The following SYT16 variants were observed in gnomAD, a reference collection of about 807,000 sequenced individuals.
SYT16 encodes the protein synaptotagmin-16.
A neutral mutation model predicts 61.4 loss-of-function variants in SYT16; 42 were observed. The observed-to-expected ratio is 0.68, with a 90% CI of 0.53 to 0.89. The LOEUF (loss-of-function observed/expected upper bound fraction) is 0.89. SYT16 is among the 40% of genes least tolerant of loss of function. The probability of loss-of-function intolerance (pLI) is 0.00; values close to 1 mark genes in which losing one functional copy is unlikely to be tolerated. For synonymous variants in SYT16, 314 were observed against 302.3 expected, an observed-to-expected ratio of 1.04 and a Z score of -0.40; for missense variants, 804 against 807.3, an observed-to-expected ratio of 1.00 and a Z score of 0.05.
chr14:62,046,567 T>C (rs1323651609), intron 3 of SYT16, among the ~76,000 whole-genome samples: 2 of 152,242 alleles, frequency 1.3e-5, no homozygotes, highest in African/African-American at 2.4e-5. Flanking sequence ...GGTTTTCTTC[T>C]AGGGTTTTTA....
intron 1 of SYT16, among the ~76,000 whole-genome samples, chr14:61,861,900 C>G (rs767182172): frequency 3.9e-5 from 6 of 152,054 alleles, no homozygotes; most frequent in Non-Finnish European, 7.4e-5. Context: ...AAATACCTAC[C>G]TTAATGAAAT....
intron 6 of SYT16, among the ~76,000 whole-genome samples, chr14:62,083,806 T>C (rs1461623533): frequency 3.3e-5 from 5 of 152,022 alleles, no homozygotes; most frequent in Non-Finnish European, 7.4e-5. Context: ...GAAACAAACC[T>C]CAGGCCTGGA....
chr14:61,899,017 C>T (rs1431059872), intron 1 of SYT16, among the ~76,000 whole-genome samples: 5 of 152,158 alleles, frequency 3.3e-5, no homozygotes, highest in Admixed American at 6.5e-5. Flanking sequence ...TTCTTGTACA[C>T]TGGAATTTAT....
At chr14:61,830,992 G>A (rs2045920385) in intron 1 of SYT16, among the ~76,000 whole-genome samples, 1 of 152,190 alleles carries the variant, frequency 6.6e-6, no homozygotes, top group Admixed American at 6.5e-5. Flanking sequence ...TATTCACAAG[G>A]GTTCTGTCTT....
chr14:61,934,797 A>G (rs969168350), intron 1 of SYT16, among the ~76,000 whole-genome samples: 1 of 152,146 alleles, frequency 6.6e-6, no homozygotes, highest in African/African-American at 2.4e-5. Context: ...CTAAAATCCC[A>G]TTATTTGAAG....
intron 3 of SYT16, among the ~76,000 whole-genome samples, chr14:62,008,450 C>A (rs1418794310): frequency 6.6e-6 from 1 of 151,924 alleles, no homozygotes; most frequent in Admixed American, 6.6e-5. Flanking sequence ...TCACAGATTG[C>A]CACTTTGCCA....
chr14:61,910,503 C>T (rs1218176423), intron 1 of SYT16, among the ~76,000 whole-genome samples: 3 of 146,610 alleles, frequency 2.0e-5, no homozygotes, highest in South Asian at 2.2e-4. Flanking sequence ...CCTCCCAAAG[C>T]ACTGAGCCGC....
intron 1 of SYT16, among the ~76,000 whole-genome samples, chr14:61,910,982 T>TCCC (rs2094241752): frequency 1.3e-5 from 2 of 152,216 alleles, no homozygotes; most frequent in Admixed American, 1.3e-4. Flanking sequence ...TTTTAGATGT[T>TCCC]CCCCCAAGCT....
At chr14:62,044,566 C>A (rs1213061658) in intron 3 of SYT16, among the ~76,000 whole-genome samples, 1 of 152,028 alleles carries the variant, frequency 6.6e-6, no homozygotes, top group Non-Finnish European at 1.5e-5. Flanking sequence ...GTTTTCTGTT[C>A]CTGTGTTAGT....
chr14:61,817,651 T>G (rs2045484972), intron 1 of SYT16, among the ~76,000 whole-genome samples: 1 of 152,122 alleles, frequency 6.6e-6, no homozygotes, highest in African/African-American at 2.4e-5. Flanking sequence ...CTAAATGCAA[T>G]GGATGATTTC....
intron 1 of SYT16, among the ~76,000 whole-genome samples, chr14:61,856,225 C>G (rs1256514952): frequency 6.6e-6 from 1 of 152,166 alleles, no homozygotes; most frequent in Non-Finnish European, 1.5e-5. Context: ...ATAATGTTAT[C>G]TAACACATAC....
intron 1 of SYT16, among the ~76,000 whole-genome samples, chr14:61,931,529 T>C (rs2049767536): frequency 6.6e-6 from 1 of 152,250 alleles, no homozygotes; most frequent in African/African-American, 2.4e-5. Context: ...ATCTGTATTT[T>C]ATGTTTTAAA....
chr14:61,875,628 G>T (rs903256410), intron 1 of SYT16, among the ~76,000 whole-genome samples: 35 of 152,350 alleles, frequency 2.3e-4, no homozygotes, highest in African/African-American at 8.2e-4. Context: ...CCAGATTGTA[G>T]CTATGAAGCC....
intron 3 of SYT16, among the ~76,000 whole-genome samples, chr14:62,016,248 G>A (rs2053671695): frequency 6.6e-6 from 1 of 152,116 alleles, no homozygotes; most frequent in African/African-American, 2.4e-5. Flanking sequence ...TTTCACAAGA[G>A]GTGTCCTCCT....
rs146521585 is a variant in SYT16, at chr14:61,909,711, G to A, written c.-324-60421G>A. Among the ~76,000 whole-genome samples, 841 of 152,266 alleles carry A rather than the reference G, an allele frequency of 5.5e-3. 5 individuals carry two copies. The highest frequency in any genetic ancestry group is 9.4e-3 in the Non-Finnish European group (636 of 68,014). On this transcript the variant is annotated intron_variant, in intron 1 of 7. Transcript: ENST00000683842. ...TATCTTTCTGGGTCCACCATTCAACGTACCACACTACTTTACTGTAAAACT... is the reference window on the plus strand; with the variant it reads ...TATCTTTCTGGGTCCACCATTCAACATACCACACTACTTTACTGTAAAACT...
intron 1 of SYT16, among the ~76,000 whole-genome samples, chr14:61,873,965 T>C (rs981731083): frequency 6.6e-6 from 1 of 152,238 alleles, no homozygotes; most frequent in Admixed American, 6.5e-5. Flanking sequence ...AAGGAGAATA[T>C]ATTCTGCCTT....
At chr14:61,993,256 C>T (rs1231113088) in intron 2 of SYT16, among the ~76,000 whole-genome samples, 1 of 151,204 alleles carries the variant, frequency 6.6e-6, no homozygotes, top group African/African-American at 2.4e-5. Flanking sequence ...CACACCGGGG[C>T]CTGTGGGGGT....
At chr14:61,882,285 A>G (rs1004417533) in intron 1 of SYT16, among the ~76,000 whole-genome samples, 1 of 152,214 alleles carries the variant, frequency 6.6e-6, no homozygotes, top group Non-Finnish European at 1.5e-5. Context: ...TTTATAGTTA[A>G]TTTTAATATC....
At position 62,091,491 on chromosome 14, in the gene SYT16, G is replaced by A. The variant is rs563083274; in HGVS notation, c.1624+7106G>A. On this transcript the variant is annotated intron_variant, in intron 7 of 7. Transcript: ENST00000683842. Reference sequence around the variant, plus strand: ...CGGTAGGAAAAATGACTACTATTGCGGGTACTACCACAAAATGGTAATAAA... The same window carrying A: ...CGGTAGGAAAAATGACTACTATTGCAGGTACTACCACAAAATGGTAATAAA... Among the ~76,000 whole-genome samples, 24 of 152,242 alleles carry A rather than the reference G, an allele frequency of 1.6e-4. No individual in the cohort carries two copies. The South Asian group carries it at 1.9e-3, about 12-fold the overall frequency.
Sources: gnomAD v4.1 joint callset for allele counts (sites outside exome capture counted in the v4.1 genomes callset) on GRCh38, gnomAD v4.1.1 for gene constraint, MANE v1.5 for transcripts, NCBI Gene and HGNC (gene_info 2026-07-23, HGNC 2026-07-21) for gene names.